The following ADAMTS12 variants were observed in gnomAD, a reference collection of about 807,000 sequenced individuals.
The protein encoded by ADAMTS12 is ADAM metallopeptidase with thrombospondin type 1 motif 12, also known as A disintegrin and metalloproteinase with thrombospondin motifs 12.
Under a neutral mutation model 167.8 loss-of-function variants are expected in ADAMTS12, and 118 were observed. The observed-to-expected ratio is 0.70, with a 90% CI of 0.61 to 0.82. The LOEUF is 0.82. Among genes scored for constraint, ADAMTS12 ranks in the 40% least tolerant of loss-of-function variants. ADAMTS12 has a pLI of 0.00. For synonymous variants in ADAMTS12, 704 were observed against 716.9 expected (o/e 0.98, Z 0.29); for missense variants, 1,916 against 1,998.8 (o/e 0.96, Z 0.79).
At chr5:33,728,803 C>T (rs1744074290) in intron 3 of ADAMTS12, among the ~76,000 whole-genome samples, 2 of 152,218 alleles carry the variant, frequency 1.3e-5, no homozygotes, top group Non-Finnish European at 2.9e-5. Flanking sequence ...CCAGTAATGT[C>T]AGGTATGGTT....
intron 2 of ADAMTS12, among the ~76,000 whole-genome samples, chr5:33,778,344 TAGAG>T (rs902882767): frequency 1.3e-5 from 2 of 151,908 alleles, no homozygotes; most frequent in African/African-American, 4.8e-5. Context: ...ATGAAACAAA[TAGAG>T]AGCTCAGCAG....
chr5:33,706,598 C>T (rs1467519683), intron 3 of ADAMTS12, among the ~76,000 whole-genome samples: 3 of 152,174 alleles, frequency 2.0e-5, no homozygotes, highest in African/African-American at 7.2e-5. Context: ...GGTCTTGACT[C>T]TTTATCCAAT....
At chr5:33,705,380 G>GC (rs1179307404) in intron 3 of ADAMTS12, among the ~76,000 whole-genome samples, 3 of 151,532 alleles carry the variant, frequency 2.0e-5, no homozygotes, top group Non-Finnish European at 4.4e-5. Flanking sequence ...TAAATGGATT[G>GC]TTTTTTGCTG....
intron 6 of ADAMTS12, among the ~76,000 whole-genome samples, chr5:33,660,197 G>A (rs960908431): frequency 7.2e-5 from 11 of 152,132 alleles, no homozygotes; most frequent in Non-Finnish European, 1.0e-4. Flanking sequence ...CTGTCCTAAG[G>A]AAGGAAAGTG....
At chr5:33,796,457 T>G (rs747426934) in intron 2 of ADAMTS12, among the ~76,000 whole-genome samples, 1 of 152,252 alleles carries the variant, frequency 6.6e-6, no homozygotes, top group Admixed American at 6.5e-5. Flanking sequence ...AAATTATGTA[T>G]ATTAATATAG....
chr5:33,768,150 T>G (rs1257164585), intron 2 of ADAMTS12, among the ~76,000 whole-genome samples: 1 of 152,208 alleles, frequency 6.6e-6, no homozygotes, highest in African/African-American at 2.4e-5. Context: ...AAGAGGCCAT[T>G]CAGGAGGTCT....
intron 6 of ADAMTS12, among the ~76,000 whole-genome samples, chr5:33,660,412 T>C (rs547161963): frequency 1.1e-4 from 16 of 152,320 alleles, no homozygotes; most frequent in African/African-American, 3.4e-4. Flanking sequence ...ACCAGTGTCC[T>C]TGTGGGAAGT....
intron 2 of ADAMTS12, among the ~76,000 whole-genome samples, chr5:33,811,416 G>A (rs1237546431): frequency 6.6e-6 from 1 of 152,230 alleles, no homozygotes; most frequent in African/African-American, 2.4e-5. Flanking sequence ...GATGGTCACA[G>A]CAAGTCTCAC....
At chr5:33,593,722 C>T (rs1747763224) in intron 17 of ADAMTS12, among the ~76,000 whole-genome samples, 1 of 152,000 alleles carries the variant, frequency 6.6e-6, no homozygotes, top group Admixed American at 6.5e-5. Context: ...GGACAAATAC[C>T]TAATGCAAGC....
At position 33,528,970 on chromosome 5, in the gene ADAMTS12, G is replaced by A. The variant is rs868664565; in HGVS notation, c.4607-1604C>T. Among the ~76,000 whole-genome samples the A allele has an allele frequency of 7.2e-5, 11 of 152,276 alleles. 1 individual carries two copies. In the South Asian group the frequency reaches 1.0e-3, roughly 14 times the overall value. On this transcript the variant is annotated intron_variant, in intron 23 of 23. Transcript: ENST00000504830. The stretch of plus-strand genomic sequence containing the variant: ...TGAGGCAGGAGAATCGCTTGAAACC[G>A]GAAGGTGGAGGTTGCAGTGAGCTGA...
intron 3 of ADAMTS12, among the ~76,000 whole-genome samples, chr5:33,716,724 G>A (rs963044444): frequency 6.6e-6 from 1 of 151,998 alleles, no homozygotes; most frequent in Non-Finnish European, 1.5e-5. Flanking sequence ...AATACATTTT[G>A]AAAAAACTTG....
chr5:33,624,965 C>T (rs1158041628), intron 13 of ADAMTS12, among the ~76,000 whole-genome samples: 1 of 152,150 alleles, frequency 6.6e-6, no homozygotes, highest in Non-Finnish European at 1.5e-5. Context: ...ACTTGAAAGC[C>T]ACCTCAAATC....
intron 2 of ADAMTS12, among the ~76,000 whole-genome samples, chr5:33,852,824 G>A (rs939542887): frequency 6.6e-6 from 1 of 152,212 alleles, no homozygotes; most frequent in East Asian, 1.9e-4. Context: ...TTGATTATTT[G>A]AAAGGGCTTA....
chr5:33,575,452 A>G (rs1250485817), intron 19 of ADAMTS12, among the ~76,000 whole-genome samples: 1 of 152,222 alleles, frequency 6.6e-6, no homozygotes, highest in East Asian at 1.9e-4. Flanking sequence ...AGAAAGATAG[A>G]TGAATTCGAC....
intron 3 of ADAMTS12, among the ~76,000 whole-genome samples, chr5:33,713,893 G>A (rs1324925479): frequency 1.3e-5 from 2 of 152,094 alleles, no homozygotes; most frequent in Non-Finnish European, 2.9e-5. Flanking sequence ...TAGTTATTCT[G>A]GTCATTATCA....
chr5:33,532,587 A>T (rs1170754685), intron 23 of ADAMTS12, among the ~76,000 whole-genome samples: 4 of 152,090 alleles, frequency 2.6e-5, no homozygotes, highest in Admixed American at 2.6e-4. Context: ...TTGTTTTTTA[A>T]TCAATAAGAA....
Position 33,722,394 on chromosome 5 carries a change from G to A in ADAMTS12, c.634+29010C>T, listed in dbSNP as rs561431092. On this transcript the variant is annotated intron_variant, in intron 3 of 23. Coordinates refer to ENST00000504830, the MANE Select transcript of ADAMTS12 (RefSeq NM_030955.4). ...TTAGTATTGTTCTAAGTGTTTTTAC[G>A]TTATTGATTTTAACGCTCAGAATCA... Among the ~76,000 whole-genome samples, 10 of 152,188 alleles carry A rather than the reference G, an allele frequency of 6.6e-5. No individual in the cohort carries two copies. The South Asian group carries it at 8.3e-4, about 13-fold the overall frequency.
chr5:33,666,220 A>G (rs1475857206), intron 5 of ADAMTS12, among the ~76,000 whole-genome samples: 1 of 152,242 alleles, frequency 6.6e-6, no homozygotes, highest in Admixed American at 6.5e-5. Flanking sequence ...TAACATACAC[A>G]GTCCAGCGGC....
intron 23 of ADAMTS12, among the ~76,000 whole-genome samples, chr5:33,531,059 C>T (rs1232471644): frequency 6.6e-6 from 1 of 152,122 alleles, no homozygotes; most frequent in Non-Finnish European, 1.5e-5. Flanking sequence ...GAGAGACACA[C>T]ATACAGAGGA....
Sources: allele counts gnomAD v4.1 joint callset (sites outside exome capture counted in the v4.1 genomes callset), GRCh38; gene constraint gnomAD v4.1.1; transcripts MANE v1.5; gene names NCBI Gene and HGNC (gene_info 2026-07-23, HGNC 2026-07-21).